Variants in STPG2 observed in about 807,000 individuals in gnomAD.
The protein encoded by STPG2 is sperm tail PG-rich repeat containing 2, also known as sperm-tail PG-rich repeat-containing protein 2.
Under a neutral mutation model 54.2 loss-of-function variants are expected in STPG2, and 56 were observed. That is an observed-to-expected ratio of 1.03 (90% confidence interval 0.83 to 1.29). The LOEUF is 1.29. Ranked by LOEUF, STPG2 falls within the 50% of genes most tolerant of loss-of-function variation. The pLI, the probability that STPG2 is intolerant of heterozygous loss-of-function variation, is 0.00. For synonymous variants in STPG2, 200 were observed against 181.8 expected (o/e 1.10, Z -0.81); for missense variants, 596 against 544.9 (o/e 1.09, Z -0.93).
At chr4:98,119,378 CA>C (rs1421904911) in intron 3 of STPG2, among the ~76,000 whole-genome samples, 7 of 149,870 alleles carry the variant, frequency 4.7e-5, no homozygotes, top group African/African-American at 7.3e-5. Context: ...CTGTACTCTT[CA>C]AAAAAAAAGT....
At chr4:97,881,707 C>T (rs1035669652) in intron 8 of STPG2, among the ~76,000 whole-genome samples, 11 of 152,190 alleles carry the variant, frequency 7.2e-5, no homozygotes, top group African/African-American at 2.6e-4. Context: ...CTTTAAAATG[C>T]TACATCATAA....
chr4:97,959,908 A>T (rs1733825638), intron 7 of STPG2, among the ~76,000 whole-genome samples: 1 of 152,122 alleles, frequency 6.6e-6, no homozygotes, highest in Non-Finnish European at 1.5e-5. Flanking sequence ...AGAAAACTAC[A>T]AATGGATATC....
chr4:97,624,268 C>T lies in STPG2; in HGVS notation c.1321-65151G>A, dbSNP rs1263841841. ...TACATTCACACCCACAATGTGAAAG[C>T]ATTCCTATTTCGCCATAGCCTTGGC... On this transcript the variant is annotated intron_variant, in intron 10 of 10. Coordinates refer to ENST00000295268, the MANE Select transcript of STPG2 (RefSeq NM_174952.3). 2.0e-5 allele frequency among the ~76,000 whole-genome samples: 3 copies of T among 152,146 alleles called. No homozygotes were observed. The East Asian group carries it at 5.8e-4, about 29-fold the overall frequency.
chr4:97,641,672 G>C (rs1339673281), intron 10 of STPG2, among the ~76,000 whole-genome samples: 6 of 150,440 alleles, frequency 4.0e-5, no homozygotes, highest in Non-Finnish European at 7.4e-5. Flanking sequence ...TTCAACTTTT[G>C]TATGTCCAAA....
At chr4:97,511,642 C>T (rs923030093) in intron 4 of STPG2, among the ~76,000 whole-genome samples, 4 of 152,036 alleles carry the variant, frequency 2.6e-5, no homozygotes, top group South Asian at 2.1e-4. Context: ...TATAAAACAT[C>T]GTTATGCACA....
intron 8 of STPG2, among the ~76,000 whole-genome samples, chr4:97,901,963 G>A (rs958509222): frequency 2.0e-5 from 3 of 151,736 alleles, no homozygotes; most frequent in African/African-American, 7.3e-5. Context: ...CAGATACATA[G>A]AAAAATAGAA....
At chr4:97,927,313 G>A (rs1020857496) in intron 8 of STPG2, among the ~76,000 whole-genome samples, 37 of 151,916 alleles carry the variant, frequency 2.4e-4, no homozygotes, top group Non-Finnish European at 3.2e-4. Flanking sequence ...AGAAAATGTT[G>A]GTATAATTTT....
chr4:97,840,578 A>G (rs1293703178), intron 9 of STPG2, among the ~76,000 whole-genome samples, 195 bp downstream of exon 9: 2 of 151,668 alleles, frequency 1.3e-5, no homozygotes, highest in African/African-American at 4.8e-5. Context: ...AATGATGTAC[A>G]ACACAGCAGG....
intron 9 of STPG2, among the ~76,000 whole-genome samples, chr4:97,822,766 ATCAC>A (rs922700821): frequency 1.3e-5 from 2 of 152,114 alleles, no homozygotes; most frequent in African/African-American, 4.8e-5. Context: ...GATCTCATAA[ATCAC>A]TCACTATCAC....
chr4:97,498,377 A>T (rs1730654894), intron 4 of STPG2, among the ~76,000 whole-genome samples: 1 of 152,034 alleles, frequency 6.6e-6, no homozygotes, highest in Non-Finnish European at 1.5e-5. Context: ...AATAAATTTA[A>T]GATTTAGAAA....
intron 10 of STPG2, among the ~76,000 whole-genome samples, chr4:97,625,726 T>A (rs1057395420): frequency 6.6e-6 from 1 of 152,168 alleles, no homozygotes; most frequent in African/African-American, 2.4e-5. Context: ...ATGACACAAA[T>A]GGGTGCAAGG....
chr4:97,871,540 T>G (rs1729990161), intron 8 of STPG2, among the ~76,000 whole-genome samples: 1 of 151,108 alleles, frequency 6.6e-6, no homozygotes. Context: ...TTTAAATAAA[T>G]TTGAAAACTT....
Position 97,551,725 on chromosome 4 carries a change from C to T in STPG2, c.462+160974G>A, listed in dbSNP as rs141397104. Among the ~76,000 whole-genome samples, 571 of 152,288 alleles carry T rather than the reference C, an allele frequency of 3.7e-3. 4 individuals are homozygous for T. The highest frequency in any genetic ancestry group is 0.013 in the African/African-American group (560 of 41,560). On this transcript the variant is annotated intron_variant, in intron 4 of 4. Coordinates refer to the STPG2 transcript ENST00000522676. ...CAAATTATAATATCAAGATGAGGAGCTCTCGCTCATGTACATAGAAAAAAT... is the reference window on the plus strand; with the variant it reads ...CAAATTATAATATCAAGATGAGGAGTTCTCGCTCATGTACATAGAAAAAAT...
chr4:97,519,998 G>A (rs1342839271), intron 4 of STPG2, among the ~76,000 whole-genome samples: 1 of 151,998 alleles, frequency 6.6e-6, no homozygotes, highest in Non-Finnish European at 1.5e-5. Flanking sequence ...GTCCTTATCT[G>A]TAAAATAGGG....
At chr4:97,749,980 C>A (rs1290719489) in intron 9 of STPG2, among the ~76,000 whole-genome samples, 1 of 151,758 alleles carries the variant, frequency 6.6e-6, no homozygotes, top group Non-Finnish European at 1.5e-5. Context: ...GATGGTACCA[C>A]CATAAAACTA....
chr4:98,014,692 C>T (rs1188432469), intron 5 of STPG2, among the ~76,000 whole-genome samples: 1 of 152,078 alleles, frequency 6.6e-6, no homozygotes, highest in Non-Finnish European at 1.5e-5. Flanking sequence ...TGACTATATT[C>T]CTTATAGTCA....
intron 4 of STPG2, among the ~76,000 whole-genome samples, chr4:97,482,752 G>A (rs1730255381): frequency 6.6e-6 from 1 of 151,566 alleles, no homozygotes; most frequent in Non-Finnish European, 1.5e-5. Flanking sequence ...TAGGTACACT[G>A]TCATCAGGTT....
At chr4:97,706,057 A>G (rs946440339) in intron 10 of STPG2, among the ~76,000 whole-genome samples, 1 of 152,068 alleles carries the variant, frequency 6.6e-6, no homozygotes, top group African/African-American at 2.4e-5. Flanking sequence ...AATTTATACT[A>G]TTTTCTCTTG....
chr4:97,912,231 C>T (rs1319947599), intron 8 of STPG2, among the ~76,000 whole-genome samples: 2 of 152,102 alleles, frequency 1.3e-5, no homozygotes, highest in African/African-American at 4.8e-5. Context: ...AACACAAAAA[C>T]ACTGAAAAGT....
Sources: allele counts gnomAD v4.1 joint callset (sites outside exome capture counted in the v4.1 genomes callset), GRCh38; gene constraint gnomAD v4.1.1; transcripts MANE v1.5; gene names NCBI Gene and HGNC (gene_info 2026-07-23, HGNC 2026-07-21).